The following PLXND1 variants were observed in gnomAD, a reference collection of about 807,000 sequenced individuals.
The protein encoded by PLXND1 is plexin D1.
PLXND1 carries 54 observed loss-of-function variants against 197.7 expected under a neutral mutation model. That is an observed-to-expected ratio of 0.27 (90% CI 0.22 to 0.34). The LOEUF (loss-of-function observed/expected upper bound fraction) is 0.34, where lower values mean the gene tolerates loss of function less well. PLXND1 is among the 10% of genes least tolerant of loss of function. PLXND1 has a pLI of 1.00. For synonymous variants in PLXND1, 1,180 were observed against 1,161.2 expected (o/e 1.02, Z -0.33); for missense variants, 2,127 against 2,699.2 (o/e 0.79, Z 4.70).
rs76267829 is a variant in PLXND1, at chr3:129,584,029, T to C, written c.2138+96A>G. 6.2e-3 allele frequency: 4,758 copies of C among 762,720 alleles called. 28 individuals carry two copies. The highest frequency in any genetic ancestry group is 0.011 in the South Asian group (699 of 66,406). The allele number at this position is 762,720 out of a possible 1,614,324, so 47.2% of individuals were successfully genotyped here. A position where few individuals can be genotyped will look rare whatever the true frequency, so the allele number is the denominator to read the frequency against. ...GGGCCTGTCTACCTCTACGATGCTA[T>C]GATTTTTCTTCTCAGGGCCCCCTGA... On this transcript the variant is annotated intron_variant, in intron 7 of 35. Coordinates refer to ENST00000324093, the MANE Select transcript of PLXND1 (RefSeq NM_015103.3).
chr3:129,571,055 G>C lies in PLXND1; in HGVS notation c.3585C>G (p.Leu1195=), dbSNP rs773142546. The C allele has an allele frequency of 2.5e-6, 4 of 1,614,068 alleles. No individual in the cohort carries two copies. The highest frequency in any genetic ancestry group is 3.4e-6 in the Non-Finnish European group (4 of 1,179,910). The change falls in exon 18 of 36, where the codon CTC becomes CTG. Residue 1195 remains leucine (L), a synonymous_variant. Coordinates refer to ENST00000324093, the MANE Select transcript of PLXND1 (RefSeq NM_015103.3). ...TGGTGCTCACGTGGATAACGAGGGT[G>C]AGAGGCTCCCCGGGGTGGTGCTTGA... The part of the protein sequence containing the change: ...KWIKHHPGEP[L]TLVIHKEQDS...
intron 30 of PLXND1, 92 bp downstream of exon 30, chr3:129,560,597 G>C (rs1578305008): frequency 9.2e-7 from 1 of 1,084,096 alleles, no homozygotes; most frequent in East Asian, 2.4e-5. Context: ...GCAGGGCTGG[G>C]AGCACTTTTC....
chr3:129,592,909 CGGGACTCG>C (rs991079165), intron 1 of PLXND1, among the ~76,000 whole-genome samples: 12 of 152,144 alleles, frequency 7.9e-5, no homozygotes, highest in African/African-American at 2.9e-4. Flanking sequence ...GAGGGGGACA[CGGGACTCG>C]GGGACTAGAC....
intron 1 of PLXND1, among the ~76,000 whole-genome samples, chr3:129,599,298 G>A (rs1316925721): frequency 6.6e-6 from 1 of 152,262 alleles, no homozygotes. Flanking sequence ...ATGCCGCCAG[G>A]CCACTCCAGT....
At chr3:129,580,980 A>C (rs1442429409) in intron 8 of PLXND1, among the ~76,000 whole-genome samples, 1 of 151,980 alleles carries the variant, frequency 6.6e-6, no homozygotes, top group African/African-American at 2.4e-5. Context: ...CGGGGCACAC[A>C]TCCACCTTCC....
chr3:129,598,085 C>T (rs1223747312), intron 1 of PLXND1, among the ~76,000 whole-genome samples: 3 of 152,176 alleles, frequency 2.0e-5, no homozygotes, highest in East Asian at 1.9e-4. Context: ...GCTGGCTCCC[C>T]GCAGCCCACA....
chr3:129,560,650 G>A (rs757237001), intron 30 of PLXND1, 39 bp downstream of exon 30: 2 of 1,519,410 alleles, frequency 1.3e-6, no homozygotes, highest in African/African-American at 2.7e-5. Flanking sequence ...CACACCCACT[G>A]AGGGGCTGGA....
intron 27 of PLXND1, 65 bp from the exon 28 acceptor site, chr3:129,561,968 G>C: frequency 1.9e-6 from 2 of 1,080,412 alleles, no homozygotes. Flanking sequence ...GTAGGTACCG[G>C]CCCAGCCACA....
intron 1 of PLXND1, among the ~76,000 whole-genome samples, chr3:129,599,554 C>T (rs764143095): frequency 1.3e-5 from 2 of 152,350 alleles, no homozygotes; most frequent in East Asian, 1.9e-4. Context: ...GACCATTGAA[C>T]CCACATCTCT....
chr3:129,589,566 C>A lies in PLXND1; in HGVS notation c.1312-39G>T, dbSNP rs773338150. On this transcript the variant is annotated intron_variant, in intron 1 of 35. Transcript: ENST00000324093. ...GGCACGTCAGATCCCAGCTCCAGAA[C>A]CTTCTCCGGCTCCCCGCCCGCACAG... 4.0e-6 allele frequency: 6 copies of A among 1,501,834 alleles called. No homozygotes were observed. In the African/African-American group the frequency reaches 5.6e-5, roughly 14 times the overall value. 93.0% of individuals were successfully genotyped at this position (1,501,834 alleles called of 1,614,324 possible).
rs148029269 is a variant in PLXND1, at chr3:129,571,196, G to A, written c.3444C>T (p.Asp1148=). The A allele has an allele frequency of 1.5e-3, 2,381 of 1,614,186 alleles. 49 individuals are homozygous for A. In the South Asian group the frequency reaches 0.025, roughly 17 times the overall value. ...DFFINGRAYA[D]EVAVAEELLD... is the part of the protein sequence containing the mutation. Reference sequence around the variant, plus strand: ...GTAGCTCCTCAGCCACAGCCACCTCGTCTGCGTAGGCCCGCCCATTGATGA... The same window carrying A: ...GTAGCTCCTCAGCCACAGCCACCTCATCTGCGTAGGCCCGCCCATTGATGA... The change falls in exon 18 of 36, where the codon GAC becomes GAT. Residue 1148 remains aspartate, a synonymous_variant. Transcript: ENST00000324093.
At chr3:129,570,604 T>G (rs2085209189) in intron 19 of PLXND1, 182 bp downstream of exon 19, 1 of 638,316 alleles carries the variant, frequency 1.6e-6, no homozygotes, top group Non-Finnish European at 2.7e-6. Flanking sequence ...AGCAAGTCAC[T>G]AAGTTCTTGG....
chr3:129,571,642 G>C, intron 16 of PLXND1, 35 bp downstream of exon 16: 2 of 1,613,918 alleles, frequency 1.2e-6, no homozygotes, highest in Non-Finnish European at 8.5e-7. Context: ...TGCAGCCCCA[G>C]AGAGCCTGGG....
At chr3:129,571,973 C>T (rs2085240690) in intron 15 of PLXND1, 129 bp from the exon 16 acceptor site, 2 of 803,728 alleles carry the variant, frequency 2.5e-6, no homozygotes, top group Non-Finnish European at 3.9e-6. Flanking sequence ...CTGGTCCCAA[C>T]TCATCTTCTG....
intron 24 of PLXND1, 41 bp downstream of exon 24, chr3:129,565,846 G>A: frequency 6.2e-7 from 1 of 1,605,306 alleles, no homozygotes; most frequent in Non-Finnish European, 8.5e-7. Flanking sequence ...CCTTGGACAG[G>A]CTCCTCTTCC....
At chr3:129,567,449 G>A in intron 22 of PLXND1, 43 bp downstream of exon 22, 1 of 1,186,372 alleles carries the variant, frequency 8.4e-7, no homozygotes, top group Non-Finnish European at 1.2e-6. Context: ...GTTGCCTTGA[G>A]GTGGCTGGCA....
chr3:129,555,354 G>A lies in PLXND1; in HGVS notation c.*958C>T. The A allele has an allele frequency of 1.7e-6, 1 of 600,714 alleles. No homozygotes were observed. Among genetic ancestry groups the A allele is most frequent in the Non-Finnish European group, 2.9e-6 (1 of 342,730 alleles). 37.2% of individuals were successfully genotyped at this position (600,714 alleles called of 1,614,324 possible). ...CCCGCATGGCCCATCGGCCACAGAG[G>A]GTCGTTTCTGGCAGGAACGGAGTGG... On this transcript the variant is annotated 3_prime_UTR_variant, in exon 36 of 36. Coordinates refer to ENST00000324093, the MANE Select transcript of PLXND1 (RefSeq NM_015103.3).
At chr3:129,561,476 G>GC (rs1354285528) in intron 29 of PLXND1, among the ~76,000 whole-genome samples, 170 bp downstream of exon 29, 1 of 152,186 alleles carries the variant, frequency 6.6e-6, no homozygotes, top group African/African-American at 2.4e-5. Context: ...TGTGGGCCCT[G>GC]CCCCAGCAGT....
intron 3 of PLXND1, 112 bp downstream of exon 3, chr3:129,586,476 G>A: frequency 2.3e-6 from 3 of 1,311,092 alleles, no homozygotes; most frequent in Non-Finnish European, 3.2e-6. Flanking sequence ...AGCAGATAAG[G>A]GAGATGGAGG....
Sources: allele counts gnomAD v4.1 joint callset (sites outside exome capture counted in the v4.1 genomes callset), GRCh38; gene constraint gnomAD v4.1.1; transcripts MANE v1.5; gene names NCBI Gene and HGNC (gene_info 2026-07-23, HGNC 2026-07-21).